PRCP: variants seen among roughly 807,000 people sequenced by gnomAD.
PRCP encodes the protein lysosomal Pro-X carboxypeptidase.
PRCP carries 46 observed loss-of-function variants against 54.2 expected under a neutral mutation model. The observed-to-expected ratio is 0.85, with a 90% CI of 0.67 to 1.09. PRCP has a LOEUF of 1.09. PRCP is among the 50% of genes least tolerant of loss of function. PRCP has a pLI of 0.00. For synonymous variants in PRCP, 240 were observed against 212.2 expected (o/e 1.13, Z -1.14); for missense variants, 613 against 596.8 (o/e 1.03, Z -0.28).
At chr11:82,856,823 C>T (rs1305991266) in intron 2 of PRCP, among the ~76,000 whole-genome samples, 1 of 151,956 alleles carries the variant, frequency 6.6e-6, no homozygotes. Flanking sequence ...CCGAGGCGGG[C>T]GGATCACGAG....
intron 8 of PRCP, among the ~76,000 whole-genome samples, chr11:82,834,067 C>T (rs1057016349): frequency 2.0e-5 from 3 of 152,286 alleles, no homozygotes; most frequent in South Asian, 4.1e-4. Flanking sequence ...CTGGAGGAAA[C>T]GAGCTTCTTG....
chr11:82,879,219 G>T (rs1409978529), intron 1 of PRCP, among the ~76,000 whole-genome samples: 1 of 152,126 alleles, frequency 6.6e-6, no homozygotes, highest in Non-Finnish European at 1.5e-5. Flanking sequence ...TTTCTTGAAG[G>T]CTTTGTTTGT....
At chr11:82,893,602 G>A (rs1022498367) in intron 1 of PRCP, among the ~76,000 whole-genome samples, 3 of 151,912 alleles carry the variant, frequency 2.0e-5, no homozygotes, top group Non-Finnish European at 4.4e-5. Flanking sequence ...GACCAGCCTG[G>A]GCAACATAAC....
Position 82,880,137 on chromosome 11 carries a change from G to A in PRCP, c.169-20020C>T, listed in dbSNP as rs556753228. On this transcript the variant is annotated intron_variant, in intron 1 of 8. Transcript: ENST00000313010. ...TCAGCTATGCCCTGCCCCCAGAGGT[G>A]GAGTCTACAGAGGCAGGCAGGCAGG... Among the ~76,000 whole-genome samples, 5 of 152,350 alleles carry A rather than the reference G, an allele frequency of 3.3e-5. No individual in the cohort carries two copies. The East Asian group carries it at 9.6e-4, about 29-fold the overall frequency.
chr11:82,888,313 T>C (rs541157343), intron 1 of PRCP, among the ~76,000 whole-genome samples: 303 of 152,290 alleles, frequency 2.0e-3, no homozygotes, highest in Non-Finnish European at 3.4e-3. Flanking sequence ...CATCATGGGC[T>C]TGACAGAGAC....
intron 8 of PRCP, among the ~76,000 whole-genome samples, chr11:82,833,260 G>A (rs1426571539): frequency 6.6e-6 from 1 of 152,236 alleles, no homozygotes; most frequent in African/African-American, 2.4e-5. Context: ...ACCACATGGA[G>A]TGATAAGCGG....
rs1214824538 is a variant in PRCP at position 82,849,623 on chromosome 11, T to C, written c.751+291A>G. 3.3e-5 allele frequency among the ~76,000 whole-genome samples: 5 copies of C among 152,316 alleles called. No homozygotes were observed. In the South Asian group the frequency reaches 6.2e-4, roughly 19 times the overall value. Reference sequence around the variant, plus strand: ...ACAAGTAAAAATTAATCTATGGTTCTAGAAGTGAGGATGTTTTTGCTGGGT... The same window carrying C: ...ACAAGTAAAAATTAATCTATGGTTCCAGAAGTGAGGATGTTTTTGCTGGGT... On this transcript the variant is annotated intron_variant, in intron 5 of 8. Transcript: ENST00000313010.
Position 82,899,646 on chromosome 11 carries a change from C to A in PRCP, c.168+589G>T, listed in dbSNP as rs968906220. On this transcript the variant is annotated intron_variant, in intron 1 of 8. Transcript: ENST00000313010. ...GACCATAGAAAGGCTAATCCCCACC[C>A]CCACCACAAACTCCTACAACTCCTT... Among the ~76,000 whole-genome samples, 3 of 152,104 alleles carry A rather than the reference C, an allele frequency of 2.0e-5. No individual in the cohort carries two copies. In the East Asian group the frequency reaches 5.8e-4, roughly 29 times the overall value.
intron 6 of PRCP, among the ~76,000 whole-genome samples, chr11:82,844,492 T>C (rs113251665): frequency 0.017 from 2,596 of 151,380 alleles, 65 homozygotes; most frequent in African/African-American, 0.059. Flanking sequence ...ATCCCAGCAC[T>C]TTGGGAGGCT....
At chr11:82,842,744 G>A (rs560331158) in intron 6 of PRCP, among the ~76,000 whole-genome samples, 8 of 152,162 alleles carry the variant, frequency 5.3e-5, no homozygotes, top group African/African-American at 1.9e-4. Context: ...TACTATGCTA[G>A]ATAGAAAGCC....
chr11:82,834,479 T>C (rs1040972007), intron 8 of PRCP, among the ~76,000 whole-genome samples: 2 of 152,174 alleles, frequency 1.3e-5, no homozygotes, highest in African/African-American at 4.8e-5. Flanking sequence ...CGTAAGGAAA[T>C]TAAACAAAAA....
intron 6 of PRCP, among the ~76,000 whole-genome samples, chr11:82,847,952 G>T (rs1858848660): frequency 6.6e-6 from 1 of 152,116 alleles, no homozygotes; most frequent in African/African-American, 2.4e-5. Flanking sequence ...ACTTTGTATT[G>T]TTGAAATTCA....
At chr11:82,848,799 T>C (rs893133109) in intron 6 of PRCP, among the ~76,000 whole-genome samples, 2 of 152,184 alleles carry the variant, frequency 1.3e-5, no homozygotes, top group Non-Finnish European at 2.9e-5. Context: ...TTATTTCTAA[T>C]TCGTACAACT....
intron 4 of PRCP, 24 bp downstream of exon 4, chr11:82,850,299 TC>T (rs761994020): frequency 1.4e-6 from 2 of 1,428,482 alleles, no homozygotes; most frequent in South Asian, 1.6e-5. Context: ...TAAGAAACGT[TC>T]ATGTCCAGTA....
At chr11:82,839,548 C>T in intron 6 of PRCP, 123 bp from the exon 7 acceptor site, 1 of 1,057,208 alleles carries the variant, frequency 9.5e-7, no homozygotes, top group Non-Finnish European at 1.4e-6. Flanking sequence ...CTACTAACTG[C>T]AGTGTTTAAT....
intron 1 of PRCP, among the ~76,000 whole-genome samples, chr11:82,872,492 A>C (rs1468068546): frequency 1.3e-5 from 2 of 152,218 alleles, no homozygotes. Flanking sequence ...CACAGAGAGA[A>C]GAATGCCATG....
At chr11:82,861,017 T>C (rs1022952810) in intron 1 of PRCP, among the ~76,000 whole-genome samples, 1 of 151,962 alleles carries the variant, frequency 6.6e-6, no homozygotes, top group African/African-American at 2.4e-5. Flanking sequence ...AAAAACAAAT[T>C]AAACATAAAA....
Position 82,844,747 on chromosome 11 carries a change from AAAAG to A in PRCP, c.921+4298_921+4301del, listed in dbSNP as rs60498077. Among the ~76,000 whole-genome samples, 444 of 136,062 alleles carry A rather than the reference AAAAG, an allele frequency of 3.3e-3. 7 individuals carry two copies. The highest frequency in any genetic ancestry group is 7.6e-3 in the African/African-American group (265 of 34,808). The allele number at this position is 136,062 out of a possible 152,430, so 89.3% of individuals were successfully genotyped here. Reference sequence around the variant, plus strand: ...GGCTCCGTCTCAAAAAAAAAAAAAAAAAAGAAAGAAAGAAAGAAAGAAAAGAAAA... The same window carrying A: ...GGCTCCGTCTCAAAAAAAAAAAAAAAAAAGAAAGAAAGAAAGAAAAGAAAA... On this transcript the variant is annotated intron_variant, in intron 6 of 8. Coordinates refer to ENST00000313010, the MANE Select transcript of PRCP (RefSeq NM_005040.4).
At chr11:82,832,082 G>A (rs1275824318) in intron 8 of PRCP, among the ~76,000 whole-genome samples, 1 of 152,198 alleles carries the variant, frequency 6.6e-6, no homozygotes, top group Admixed American at 6.5e-5. Flanking sequence ...ATTCCATGGT[G>A]TATATGTGTC....
Sources: gnomAD v4.1 joint callset for allele counts (sites outside exome capture counted in the v4.1 genomes callset) on GRCh38, gnomAD v4.1.1 for gene constraint, MANE v1.5 for transcripts, NCBI Gene and HGNC (gene_info 2026-07-23, HGNC 2026-07-21) for gene names.